ASCC3: variants seen among roughly 807,000 people sequenced by gnomAD.
The protein encoded by ASCC3 is ASC-1 complex subunit P200.
A neutral mutation model predicts 256.3 loss-of-function variants in ASCC3; 158 were observed. The ratio of observed to expected loss-of-function variants is 0.62; its 90% CI spans 0.54 to 0.70. The LOEUF is 0.70. ASCC3 is among the 30% of genes least tolerant of loss of function. The probability of loss-of-function intolerance (pLI) is 0.00; values close to 1 mark genes in which losing one functional copy is unlikely to be tolerated. For synonymous variants in ASCC3, 948 were observed against 883.4 expected (o/e 1.07, Z -1.30); for missense variants, 2,259 against 2,626.0 (o/e 0.86, Z 3.05).
intron 8 of ASCC3, among the ~76,000 whole-genome samples, chr6:100,786,156 A>T (rs1199410671): frequency 1.3e-5 from 2 of 152,186 alleles, no homozygotes; most frequent in Non-Finnish European, 2.9e-5. Flanking sequence ...CTGACAAACC[A>T]TCCAGATTGT....
intron 18 of ASCC3, among the ~76,000 whole-genome samples, chr6:100,652,499 T>G (rs1775721178): frequency 6.6e-6 from 1 of 152,112 alleles, no homozygotes; most frequent in Non-Finnish European, 1.5e-5. Flanking sequence ...TAGGCTTGGG[T>G]GTGTTTATTG....
chr6:100,636,260 T>C (rs959489015), intron 25 of ASCC3, among the ~76,000 whole-genome samples: 1 of 152,202 alleles, frequency 6.6e-6, no homozygotes, highest in African/African-American at 2.4e-5. Flanking sequence ...ATTCTACCAA[T>C]ATTTCTAACT....
chr6:100,734,437 T>A (rs1175141267), intron 10 of ASCC3, among the ~76,000 whole-genome samples: 1 of 152,144 alleles, frequency 6.6e-6, no homozygotes, highest in African/African-American at 2.4e-5. Flanking sequence ...GACTATAACA[T>A]CAGACTGAGT....
At chr6:100,875,402 T>G (rs1773950895) in intron 1 of ASCC3, among the ~76,000 whole-genome samples, 1 of 152,220 alleles carries the variant, frequency 6.6e-6, no homozygotes, top group African/African-American at 2.4e-5. Flanking sequence ...GCATATGGTT[T>G]TGGATTTCCT....
chr6:100,510,195 G>T, intron 40 of ASCC3, 88 bp from the exon 41 acceptor site: 1 of 1,372,768 alleles, frequency 7.3e-7, no homozygotes, highest in Non-Finnish European at 1.0e-6. Context: ...TGTCTTACTT[G>T]AAGGCCATAC....
In ASCC3 at chr6:100,516,189, T is replaced by C; in HGVS notation, c.6066A>G (p.Lys2022=). ...TAAGAGATGGTCTTACCTGTTTCGT[T>C]TTTGCAGCATGTAGCTCACTTTCTA... is the stretch of plus-strand genomic sequence containing the variant. ...SMVESELHAA[K]TKQAWNFLSH... is the part of the protein sequence containing the mutation. The change falls in exon 39 of 42, where the codon AAA becomes AAG. Residue 2022 remains lysine (K), a synonymous_variant. Coordinates refer to ENST00000369162, the MANE Select transcript of ASCC3 (RefSeq NM_006828.4). 1.2e-6 allele frequency: 2 copies of C among 1,613,606 alleles called. No individual in the cohort carries two copies. Among genetic ancestry groups the C allele is most frequent in the Non-Finnish European group, 1.7e-6 (2 of 1,179,644 alleles).
At chr6:100,525,825 T>C (rs1005993766) in intron 37 of ASCC3, among the ~76,000 whole-genome samples, 1 of 152,308 alleles carries the variant, frequency 6.6e-6, no homozygotes, top group African/African-American at 2.4e-5. Context: ...AAAAAGTTTA[T>C]TTAAAAAAAT....
chr6:100,876,294 G>A (rs1284565228), intron 1 of ASCC3, among the ~76,000 whole-genome samples: 1 of 152,166 alleles, frequency 6.6e-6, no homozygotes, highest in East Asian at 1.9e-4. Context: ...TGTTCAAACA[G>A]GTGATGAGGT....
intron 14 of ASCC3, among the ~76,000 whole-genome samples, chr6:100,665,562 A>G (rs1288262375): frequency 6.6e-6 from 1 of 151,228 alleles, no homozygotes; most frequent in Admixed American, 6.6e-5. Flanking sequence ...GTCTCTACTA[A>G]CAAAAACAAA....
chr6:100,715,913 T>G (rs1030093060), intron 12 of ASCC3, among the ~76,000 whole-genome samples: 4 of 151,804 alleles, frequency 2.6e-5, no homozygotes, highest in African/African-American at 9.7e-5. Context: ...ATATAAACCA[T>G]AGAGCACACC....
intron 8 of ASCC3, among the ~76,000 whole-genome samples, chr6:100,784,769 G>A (rs1256205259): frequency 1.3e-5 from 2 of 151,230 alleles, no homozygotes; most frequent in Admixed American, 1.3e-4. Context: ...TTATTTTTTG[G>A]TAATAGATAA....
intron 36 of ASCC3, among the ~76,000 whole-genome samples, chr6:100,560,429 T>A (rs1192128196): frequency 6.6e-6 from 1 of 152,136 alleles, no homozygotes; most frequent in African/African-American, 2.4e-5. Flanking sequence ...ACTAGCTTTG[T>A]AGCATCTTCC....
chr6:100,573,714 T>A (rs1770713741), intron 36 of ASCC3, among the ~76,000 whole-genome samples: 1 of 152,090 alleles, frequency 6.6e-6, no homozygotes, highest in Non-Finnish European at 1.5e-5. Flanking sequence ...AGCAGAGACT[T>A]ACTACCGATA....
chr6:100,614,529 A>G (rs575732796), intron 30 of ASCC3, among the ~76,000 whole-genome samples: 1 of 152,292 alleles, frequency 6.6e-6, no homozygotes, highest in South Asian at 2.1e-4. Flanking sequence ...ATTCTCTTTC[A>G]TAACTGAAGA....
In ASCC3 at chr6:100,625,954, A is replaced by G. The variant is rs369359163; in HGVS notation, c.4643-620T>C. Reference sequence around the variant, plus strand: ...AAAGGCAGACAAGATAACGTAGAAGAGGGCTGAAGAGAATACTATGCCTGA... The same window carrying G: ...AAAGGCAGACAAGATAACGTAGAAGGGGGCTGAAGAGAATACTATGCCTGA... On this transcript the variant is annotated intron_variant, in intron 29 of 41. Transcript: ENST00000369162. Among the ~76,000 whole-genome samples, 39 of 152,180 alleles carry G rather than the reference A, an allele frequency of 2.6e-4. No homozygotes were observed. The East Asian group carries it at 7.3e-3, about 29-fold the overall frequency.
At chr6:100,529,990 T>G (rs779613223) in intron 37 of ASCC3, among the ~76,000 whole-genome samples, 3 of 152,060 alleles carry the variant, frequency 2.0e-5, no homozygotes, top group Non-Finnish European at 4.4e-5. Context: ...AATCGTGATT[T>G]TTTTTTTTTT....
intron 4 of ASCC3, among the ~76,000 whole-genome samples, chr6:100,832,777 A>G (rs1366417504): frequency 2.0e-5 from 3 of 152,104 alleles, no homozygotes; most frequent in Admixed American, 6.5e-5. Context: ...CACAGACAAT[A>G]TAAAAGGGTA....
At chr6:100,691,534 C>G (rs1434216406) in intron 13 of ASCC3, among the ~76,000 whole-genome samples, 1 of 151,730 alleles carries the variant, frequency 6.6e-6, no homozygotes, top group Non-Finnish European at 1.5e-5. Context: ...ACATGAATAA[C>G]TTAATACTAT....
At chr6:100,729,653 G>C (rs1397839317) in intron 10 of ASCC3, among the ~76,000 whole-genome samples, 1 of 152,042 alleles carries the variant, frequency 6.6e-6, no homozygotes, top group Non-Finnish European at 1.5e-5. Context: ...AAGTCATATT[G>C]ATATCATATT....
Sources: allele counts gnomAD v4.1 joint callset (sites outside exome capture counted in the v4.1 genomes callset), GRCh38; gene constraint gnomAD v4.1.1; transcripts MANE v1.5; gene names NCBI Gene and HGNC (gene_info 2026-07-23, HGNC 2026-07-21).